Variants in KIDINS220 observed in about 807,000 individuals in gnomAD.
KIDINS220 encodes kinase D interacting substrate 220.
A neutral mutation model predicts 157.6 loss-of-function variants in KIDINS220; 63 were observed. The ratio of observed to expected loss-of-function variants is 0.40; its 90% CI spans 0.33 to 0.49. The LOEUF is 0.49. Ranked by LOEUF, KIDINS220 falls within the 20% of genes least tolerant of loss-of-function variation. The pLI is 0.66. For synonymous variants in KIDINS220, 732 were observed against 783.6 expected (o/e 0.93, Z 1.10); for missense variants, 1,772 against 2,171.2 (o/e 0.82, Z 3.65).
At chr2:8,800,314 G>C in intron 9 of KIDINS220, 86 bp downstream of exon 9, 2 of 775,126 alleles carry the variant, frequency 2.6e-6, no homozygotes, top group Non-Finnish European at 4.0e-6. Flanking sequence ...ATCTCCATAG[G>C]AAAGTGGGAA....
chr2:8,748,317 A>G (rs986609426), intron 24 of KIDINS220, among the ~76,000 whole-genome samples: 1 of 152,220 alleles, frequency 6.6e-6, no homozygotes, highest in Non-Finnish European at 1.5e-5. Flanking sequence ...TCAGGTTCTA[A>G]GCAGTTTAAC....
intron 15 of KIDINS220, among the ~76,000 whole-genome samples, chr2:8,788,142 T>G (rs772417038): frequency 7.9e-5 from 12 of 152,222 alleles, no homozygotes; most frequent in Admixed American, 1.3e-4. Flanking sequence ...CTCTGATCCT[T>G]TAACGTACAG....
rs73916003 is a variant in KIDINS220, at chr2:8,785,653, A to G, written c.2229+88T>C. 2.0e-5 allele frequency: 21 copies of G among 1,059,136 alleles called. No individual in the cohort carries two copies. The African/African-American group carries it at 3.0e-4, about 15-fold the overall frequency. The allele number at this position is 1,059,136 out of a possible 1,614,324, so 65.6% of individuals were successfully genotyped here. ...AAATAAATGCAACACTTTAACATTT[A>G]GAGAGTGTACTTCCTAAAGCCCAAA... On this transcript the variant is annotated intron_variant, in intron 17 of 29. Transcript: ENST00000256707.
At position 8,738,039 on chromosome 2, in the gene KIDINS220, T is replaced by A. The variant is rs552921960; in HGVS notation, c.3586-1040A>T. Among the ~76,000 whole-genome samples, 7 of 152,352 alleles carry A rather than the reference T, an allele frequency of 4.6e-5. 1 individual carries two copies. The highest frequency in any genetic ancestry group is 1.7e-4 in the African/African-American group (7 of 41,584). ...TTTATTCCTCAACCAGTCTCCTTGC[T>A]CTGGATACAGTTACAATTGTTTACA... On this transcript the variant is annotated intron_variant, in intron 26 of 29. Coordinates refer to ENST00000256707, the MANE Select transcript of KIDINS220 (RefSeq NM_020738.4).
Position 8,733,598 on chromosome 2 carries a change from G to A in KIDINS220, c.3899C>T (p.Pro1300Leu), listed in dbSNP as rs372587282. Residue 1300 changes from proline to leucine, a missense_variant, in exon 29 of 30, where the codon CCG (proline) becomes CTG (leucine). Physicochemically the swap from Pro to Leu is moderately conservative, Grantham distance 98 (BLOSUM62 -3). Transcript: ENST00000256707. The stretch of plus-strand genomic sequence containing the variant: ...AGCGCGGCGAGCAGGCTCACCGTGC[G>A]GGGCTGGGCCACTGCTGCTCTCACT... ...FLSESSSGPA[P>L]HGEPARRASH... 30 of 1,614,046 alleles carry A rather than the reference G, an allele frequency of 1.9e-5. No homozygotes were observed. In the African/African-American group the frequency reaches 2.0e-4, roughly 11 times the overall value.
intron 22 of KIDINS220, among the ~76,000 whole-genome samples, chr2:8,762,726 G>A (rs565520087): frequency 9.2e-5 from 14 of 152,040 alleles, no homozygotes; most frequent in Middle Eastern, 3.4e-3. Context: ...GCGACAGAGC[G>A]AGACCCCATC....
At chr2:8,742,175 G>C (rs1472750006) in intron 26 of KIDINS220, among the ~76,000 whole-genome samples, 1 of 151,968 alleles carries the variant, frequency 6.6e-6, no homozygotes, top group East Asian at 1.9e-4. Flanking sequence ...CTGGGGTGCA[G>C]TGCTGTGATC....
Position 8,812,476 on chromosome 2 carries a change from G to C in KIDINS220, c.423C>G (p.Ile141Met), listed in dbSNP as rs1423638081. The change falls in exon 6 of 30, where the codon ATC (isoleucine) becomes ATG (methionine). Residue 141 changes from isoleucine to methionine, a missense_variant. Ile to Met is a conservative substitution (Grantham distance 10). Around this residue, in one of 3 missense-constraint regions of KIDINS220, gnomAD observed 254 missense variants for 268.6 expected, o/e 0.95. Transcript: ENST00000256707. ...CATGGCCTCTCCCTGCTGCCCAAATGATTGGGTAAACACTGTACTGCTAGG... is the reference window on the plus strand; with the variant it reads ...CATGGCCTCTCCCTGCTGCCCAAATCATTGGGTAAACACTGTACTGCTAGG... ...SVTGLYSVYPIIWAAGRGHAD... is the reference protein window; with the variant it reads ...SVTGLYSVYPMIWAAGRGHAD... 1 of 1,596,148 alleles carries C rather than the reference G, an allele frequency of 6.3e-7. No individual in the cohort carries two copies. Among genetic ancestry groups the C allele is most frequent in the South Asian group, 1.1e-5 (1 of 88,646 alleles).
At chr2:8,789,182 T>C (rs905355726) in intron 14 of KIDINS220, among the ~76,000 whole-genome samples, 1 of 11,386 alleles carries the variant, frequency 8.8e-5, no homozygotes, top group Non-Finnish European at 1.7e-4. Flanking sequence ...TATATTATAT[T>C]TTTTTTATTT....
chr2:8,808,364 A>C (rs1271024859), intron 6 of KIDINS220, among the ~76,000 whole-genome samples: 41 of 152,210 alleles, frequency 2.7e-4, no homozygotes, highest in Admixed American at 2.7e-3. Flanking sequence ...ATTGTAACTG[A>C]GTTCTCATCC....
At chr2:8,787,376 C>CT (rs374784127) in intron 15 of KIDINS220, among the ~76,000 whole-genome samples, 25,342 of 144,678 alleles carry the variant, frequency 0.18, 2,237 homozygotes, top group Middle Eastern at 0.27. Flanking sequence ...TCTTTTAATG[C>CT]TTTTTTTTTT....
chr2:8,833,157 C>T (rs1206786639), intron 1 of KIDINS220, among the ~76,000 whole-genome samples: 1 of 152,198 alleles, frequency 6.6e-6, no homozygotes, highest in Admixed American at 6.5e-5. Context: ...CTCCTTCTAC[C>T]TAACTGTATG....
intron 22 of KIDINS220, among the ~76,000 whole-genome samples, chr2:8,761,097 A>T (rs1668688172): frequency 6.6e-6 from 1 of 152,224 alleles, no homozygotes. Context: ...TTCCGACAAA[A>T]GTACATGAGA....
chr2:8,757,843 T>C, intron 22 of KIDINS220: 1 of 1,392,004 alleles, frequency 7.2e-7, no homozygotes, highest in African/African-American at 1.4e-5. Context: ...ATCCTGGACT[T>C]GGAATTCTGT....
chr2:8,728,078 C>T (rs1011366341), downstream of KIDINS220, among the ~76,000 whole-genome samples: 17 of 152,196 alleles, frequency 1.1e-4, no homozygotes, highest in Admixed American at 7.9e-4. Flanking sequence ...CATGGTGGCT[C>T]ATGCCTATAA....
At chr2:8,832,773 C>T (rs558671103) in intron 1 of KIDINS220, among the ~76,000 whole-genome samples, 5 of 152,302 alleles carry the variant, frequency 3.3e-5, no homozygotes, top group Admixed American at 6.5e-5. Flanking sequence ...AAAGCCCTTT[C>T]GGCTTAAAAC....
intron 10 of KIDINS220, among the ~76,000 whole-genome samples, chr2:8,797,405 A>T (rs553263014): frequency 6.6e-6 from 1 of 152,364 alleles, no homozygotes; most frequent in Non-Finnish European, 1.5e-5. Flanking sequence ...GCACTGAGTT[A>T]GACAAAAATC....
intron 22 of KIDINS220, among the ~76,000 whole-genome samples, chr2:8,756,876 C>T (rs1406729546): frequency 6.6e-6 from 1 of 152,184 alleles, no homozygotes; most frequent in African/African-American, 2.4e-5. Context: ...CAGCAGGCAT[C>T]CTTGTCTTGT....
At chr2:8,776,402 AAAAAGCAT>A (rs1289315179) in intron 21 of KIDINS220, among the ~76,000 whole-genome samples, 1 of 152,164 alleles carries the variant, frequency 6.6e-6, no homozygotes, top group Non-Finnish European at 1.5e-5. Context: ...AAAATTAAAA[AAAAAGCAT>A]ATAACATCTG....
Sources: allele counts gnomAD v4.1 joint callset (sites outside exome capture counted in the v4.1 genomes callset), GRCh38; gene constraint gnomAD v4.1.1; regional missense constraint gnomAD v4.1.1; transcripts MANE v1.5; gene names NCBI Gene and HGNC (gene_info 2026-07-23, HGNC 2026-07-21).